RSRC1: variants seen among roughly 807,000 people sequenced by gnomAD.
The protein encoded by RSRC1 is arginine and serine rich coiled-coil 1.
A neutral mutation model predicts 49.1 loss-of-function variants in RSRC1; 39 were observed. The observed-to-expected ratio is 0.79, with a 90% CI of 0.61 to 1.04. The LOEUF (loss-of-function observed/expected upper bound fraction) is 1.04. Ranked by LOEUF, RSRC1 falls within the 50% of genes least tolerant of loss-of-function variation. The pLI is 0.00. For synonymous variants in RSRC1, 143 were observed against 130.8 expected (o/e 1.09, Z -0.63); for missense variants, 388 against 402.4 (o/e 0.96, Z 0.31).
intron 5 of RSRC1, among the ~76,000 whole-genome samples, chr3:158,335,483 A>C (rs758709190): frequency 6.6e-6 from 1 of 152,234 alleles, no homozygotes; most frequent in Admixed American, 6.5e-5. Context: ...ATTGAAAATT[A>C]AAGTGATAAG....
intron 5 of RSRC1, among the ~76,000 whole-genome samples, chr3:158,352,182 A>G (rs2108234302): frequency 6.6e-6 from 1 of 152,044 alleles, no homozygotes; most frequent in Non-Finnish European, 1.5e-5. Flanking sequence ...TGAGGCAGGA[A>G]GATTACTTAA....
rs775547825 is a variant in RSRC1, at chr3:158,485,122, CA to C, written c.652+24120del. 5.3e-5 allele frequency among the ~76,000 whole-genome samples: 8 copies of C among 151,844 alleles called. No individual in the cohort carries two copies. In the East Asian group the frequency reaches 1.2e-3, roughly 22 times the overall value. On this transcript the variant is annotated intron_variant, in intron 7 of 9. Coordinates refer to ENST00000611884, the MANE Select transcript of RSRC1 (RefSeq NM_001271838.2). ...TATTCTTCCTTTATCATTATGATTC[CA>C]GAAAGATTCTAATTATTTTCTCCTG...
intron 4 of RSRC1, 65 bp downstream of exon 4, chr3:158,203,310 T>A: frequency 6.7e-7 from 1 of 1,488,064 alleles, no homozygotes; most frequent in Non-Finnish European, 9.0e-7. Flanking sequence ...CAAACTAAAT[T>A]TTTGTTCTCT....
At chr3:158,226,206 T>G (rs952390280) in intron 4 of RSRC1, among the ~76,000 whole-genome samples, 2 of 151,922 alleles carry the variant, frequency 1.3e-5, no homozygotes, top group African/African-American at 4.8e-5. Context: ...AAGAGTTATT[T>G]CCTTCAAAGA....
intron 3 of RSRC1, among the ~76,000 whole-genome samples, chr3:158,201,716 A>G (rs1721057827): frequency 6.6e-6 from 1 of 152,080 alleles, no homozygotes; most frequent in Admixed American, 6.5e-5. Context: ...TGGTATTTCT[A>G]TTGAGATTGC....
intron 5 of RSRC1, among the ~76,000 whole-genome samples, chr3:158,353,867 T>A (rs906658846): frequency 2.6e-5 from 4 of 152,140 alleles, no homozygotes; most frequent in African/African-American, 7.2e-5. Context: ...ACAGTTTTTT[T>A]AACAGGTCTT....
intron 3 of RSRC1, among the ~76,000 whole-genome samples, chr3:158,199,264 C>G (rs887392978): frequency 1.8e-4 from 28 of 152,192 alleles, no homozygotes; most frequent in African/African-American, 6.7e-4. Flanking sequence ...AAACCTCTTT[C>G]TTTTGTAAAT....
At chr3:158,459,662 G>A (rs1737517786) in intron 6 of RSRC1, among the ~76,000 whole-genome samples, 1 of 151,984 alleles carries the variant, frequency 6.6e-6, no homozygotes, top group African/African-American at 2.4e-5. Context: ...AGTCTTTAGA[G>A]TTACTGGTGG....
intron 6 of RSRC1, among the ~76,000 whole-genome samples, chr3:158,422,956 A>G (rs1735166649): frequency 1.3e-5 from 2 of 152,000 alleles, no homozygotes; most frequent in Admixed American, 6.6e-5. Flanking sequence ...GTTGGAGGTC[A>G]TTGTAGATTC....
chr3:158,462,756 A>G (rs894177349), intron 7 of RSRC1, among the ~76,000 whole-genome samples: 4 of 101,002 alleles, frequency 4.0e-5, no homozygotes, highest in East Asian at 2.4e-4. Context: ...TTAAGTAACT[A>G]TAGATACTTG....
chr3:158,201,556 T>A (rs193089716), intron 3 of RSRC1, among the ~76,000 whole-genome samples: 1 of 152,300 alleles, frequency 6.6e-6, no homozygotes, highest in African/African-American at 2.4e-5. Context: ...TTTTTTCCTC[T>A]TAATTCTTCA....
chr3:158,250,799 T>G (rs1724166752), intron 4 of RSRC1, among the ~76,000 whole-genome samples: 1 of 152,234 alleles, frequency 6.6e-6, no homozygotes, highest in Non-Finnish European at 1.5e-5. Context: ...CTCTTTACTT[T>G]GTTGATTGTT....
chr3:158,516,418 G>T (rs1378172307), intron 7 of RSRC1, among the ~76,000 whole-genome samples: 2 of 152,088 alleles, frequency 1.3e-5, no homozygotes, highest in South Asian at 4.2e-4. Context: ...CGGGGGTCAG[G>T]GGTCAGGGAC....
chr3:158,139,078 T>G (rs2108193009), intron 3 of RSRC1, among the ~76,000 whole-genome samples: 1 of 152,292 alleles, frequency 6.6e-6, no homozygotes, highest in Non-Finnish European at 1.5e-5. Context: ...CATTTTCTTC[T>G]AGTACTTACT....
In RSRC1 at chr3:158,391,816, C is replaced by T. The variant is rs546372540; in HGVS notation, c.583+36908C>T. On this transcript the variant is annotated intron_variant, in intron 6 of 9. Coordinates refer to ENST00000611884, the MANE Select transcript of RSRC1 (RefSeq NM_001271838.2). ...GTCAAATTGGGGTCAAATGAAGCTT[C>T]GACATTTCAAAAATAGCTAGTTTGA... 2.5e-4 allele frequency among the ~76,000 whole-genome samples: 38 copies of T among 152,002 alleles called. 1 individual carries two copies. Among genetic ancestry groups the T allele is most frequent in the Admixed American group, 1.9e-3 (29 of 15,262 alleles).
intron 9 of RSRC1, 37 bp from the exon 10 acceptor site, chr3:158,544,146 G>A: frequency 7.2e-7 from 1 of 1,397,162 alleles, no homozygotes; most frequent in Admixed American, 1.7e-5. Flanking sequence ...GTTATTGGGA[G>A]ACAGTAACAT....
intron 4 of RSRC1, among the ~76,000 whole-genome samples, chr3:158,235,900 G>C (rs1390689198): frequency 6.6e-6 from 1 of 152,160 alleles, no homozygotes; most frequent in African/African-American, 2.4e-5. Context: ...GGTGGATCTT[G>C]AGGTCAGGAG....
intron 2 of RSRC1, among the ~76,000 whole-genome samples, chr3:158,122,878 C>T (rs1471367585): frequency 6.6e-6 from 1 of 152,100 alleles, no homozygotes; most frequent in Non-Finnish European, 1.5e-5. Context: ...TGGTTTCCAG[C>T]TTCATCTATG....
intron 4 of RSRC1, among the ~76,000 whole-genome samples, chr3:158,227,202 A>T (rs924316560): frequency 6.6e-6 from 1 of 151,888 alleles, no homozygotes; most frequent in African/African-American, 2.4e-5. Flanking sequence ...TATACTATAT[A>T]AACACACTGT....
Sources: gnomAD v4.1 joint callset for allele counts (sites outside exome capture counted in the v4.1 genomes callset) on GRCh38, gnomAD v4.1.1 for gene constraint, MANE v1.5 for transcripts, NCBI Gene and HGNC (gene_info 2026-07-23, HGNC 2026-07-21) for gene names.